SPMIP4: variants seen among roughly 807,000 people sequenced by gnomAD.
SPMIP4 encodes the protein sperm microtubule inner protein 4.
the SPMIP4 span, among the ~76,000 whole-genome samples, chr7:25,153,742 C>A: frequency 1.3e-5 from 2 of 152,164 alleles, no homozygotes; most frequent in African/African-American, 4.8e-5. Context: ...TCATACTTAT[C>A]ATTTCCTTTA....
At chr7:25,159,360 C>G in the SPMIP4 span, among the ~76,000 whole-genome samples, 1 of 152,174 alleles carries the variant, frequency 6.6e-6, no homozygotes, top group Admixed American at 6.5e-5. Context: ...TGAAGCAGTT[C>G]ATTCCAAGGC....
At chr7:25,155,221 A>G in the SPMIP4 span, 3 of 1,491,172 alleles carry the variant, frequency 2.0e-6, no homozygotes, top group Non-Finnish European at 1.8e-6. Context: ...ACAAAACAAA[A>G]TGAAAAGAAC....
the SPMIP4 span, chr7:25,142,260 A>G: frequency 6.2e-7 from 1 of 1,612,962 alleles, no homozygotes; most frequent in South Asian, 1.1e-5. Flanking sequence ...GTCAAATCCT[A>G]TCTTTCGTGT....
At chr7:25,152,035 G>T in the SPMIP4 span, among the ~76,000 whole-genome samples, 1 of 152,158 alleles carries the variant, frequency 6.6e-6, no homozygotes, top group East Asian at 1.9e-4. Context: ...GGGCCACACA[G>T]AGTGTGAATG....
the SPMIP4 span, among the ~76,000 whole-genome samples, chr7:25,154,078 G>C: frequency 5.3e-5 from 8 of 152,160 alleles, no homozygotes; most frequent in Non-Finnish European, 8.8e-5. Flanking sequence ...GTGAGTAAGT[G>C]GCAGATCCAG....
At chr7:25,136,230 T>TA in the SPMIP4 span, 449 of 1,614,180 alleles carry the variant, frequency 2.8e-4, 2 homozygotes, top group East Asian at 9.7e-3. The surrounding 1 kb of genome is among the most constrained non-coding windows in gnomAD (Gnocchi z 5.7). Context: ...CTGGCTTACT[T>TA]AAAAAATGTT....
chr7:25,174,008 T>C, the SPMIP4 span, among the ~76,000 whole-genome samples: 3 of 152,212 alleles, frequency 2.0e-5, no homozygotes. The surrounding 1 kb of genome is among the most constrained non-coding windows in gnomAD (Gnocchi z 4.5). Flanking sequence ...AAAATTGACA[T>C]TTTAGGATGT....
the SPMIP4 span, among the ~76,000 whole-genome samples, chr7:25,171,824 C>A: frequency 6.6e-6 from 1 of 152,184 alleles, no homozygotes; most frequent in South Asian, 2.1e-4. Context: ...AATGCTTACC[C>A]TCTCATGTTC....
At chr7:25,168,160 CTG>C in the SPMIP4 span, 9 of 746,068 alleles carry the variant, frequency 1.2e-5, no homozygotes, top group South Asian at 8.9e-5. Flanking sequence ...ATTTTTCATT[CTG>C]TGTCTTTTCA....
At chr7:25,162,267 T>C in the SPMIP4 span, among the ~76,000 whole-genome samples, 1 of 43,720 alleles carries the variant, frequency 2.3e-5, no homozygotes, top group Non-Finnish European at 6.5e-5. Flanking sequence ...TGAAACTCTG[T>C]CTCAAAAAAA....
chr7:25,179,046 C>CAAAA, the SPMIP4 span: 1 of 1,025,342 alleles, frequency 9.8e-7, no homozygotes. Context: ...GTCTCAAAAA[C>CAAAA]AAACAAACAA....
chr7:25,161,567 G>T, the SPMIP4 span, among the ~76,000 whole-genome samples: 1 of 148,414 alleles, frequency 6.7e-6, no homozygotes, highest in Admixed American at 6.7e-5. Flanking sequence ...GGGGAAAAAA[G>T]ATGTATTTTT....
chr7:25,154,970 A>G, the SPMIP4 span: 4 of 1,543,932 alleles, frequency 2.6e-6, no homozygotes, highest in African/African-American at 5.5e-5. Context: ...AAATCCCAAT[A>G]ATAAGAATTA....
chr7:25,145,260 G>A, the SPMIP4 span, among the ~76,000 whole-genome samples: 3 of 152,014 alleles, frequency 2.0e-5, no homozygotes, highest in Admixed American at 6.6e-5. Context: ...CACCATGCCC[G>A]GCCAAGAAGG....
At chr7:25,140,579 G>C in the SPMIP4 span, among the ~76,000 whole-genome samples, 1 of 151,694 alleles carries the variant, frequency 6.6e-6, no homozygotes, top group Non-Finnish European at 1.5e-5. Flanking sequence ...TGGGATTATA[G>C]GCAAGAGCCA....
At chr7:25,142,384 G>C in the SPMIP4 span, 1 of 1,265,756 alleles carries the variant, frequency 7.9e-7, no homozygotes, top group Non-Finnish European at 1.1e-6. Flanking sequence ...AAGAACGACA[G>C]TTATATTACC....
the SPMIP4 span, chr7:25,134,951 G>A: frequency 2.0e-6 from 2 of 985,224 alleles, no homozygotes; most frequent in East Asian, 1.1e-4. Context: ...GAATGCAGTT[G>A]GAAAAAAATT....
At chr7:25,136,560 A>C in the SPMIP4 span, 1 of 1,614,188 alleles carries the variant, frequency 6.2e-7, no homozygotes, top group East Asian at 2.2e-5. This position sits in a 1 kb window ranked among gnomAD's most constrained non-coding sequence, Gnocchi z 5.7. Flanking sequence ...TCTTCTCTTC[A>C]ATATCCTGGT....
At chr7:25,134,572 G>C in the SPMIP4 span, 1 of 603,934 alleles carries the variant, frequency 1.7e-6, no homozygotes, top group Non-Finnish European at 2.1e-6. Flanking sequence ...CATGGAGGTA[G>C]GCAGAGTGAA....
Sources: allele counts gnomAD v4.1 joint callset (sites outside exome capture counted in the v4.1 genomes callset), GRCh38; gene constraint gnomAD v4.1.1; non-coding constraint Gnocchi (gnomAD v3.1); transcripts MANE v1.5; gene names NCBI Gene and HGNC (gene_info 2026-07-23, HGNC 2026-07-21).